The following ARHGEF37 variants were observed in gnomAD, a reference collection of about 807,000 sequenced individuals.
ARHGEF37 encodes Rho guanine nucleotide exchange factor 37.
ARHGEF37 carries 55 observed loss-of-function variants against 71.1 expected under a neutral mutation model. The observed-to-expected ratio is 0.77, with a 90% CI of 0.62 to 0.97. The LOEUF (loss-of-function observed/expected upper bound fraction) is 0.97. Among genes scored for constraint, ARHGEF37 ranks in the 50% least tolerant of loss-of-function variants. The pLI is 0.00. For missense variants in ARHGEF37, 765 were observed against 836.8 expected, an observed-to-expected ratio of 0.91 and a Z score of 1.06; for synonymous variants, 327 against 350.6, an observed-to-expected ratio of 0.93 and a Z score of 0.75.
At position 149,618,967 on chromosome 5, in the gene ARHGEF37, A is replaced by G; in HGVS notation, c.819A>G (p.Glu273=). 1 of 1,614,060 alleles carries G rather than the reference A, an allele frequency of 6.2e-7. No individual in the cohort carries two copies. Among genetic ancestry groups the G allele is most frequent in the Non-Finnish European group, 8.5e-7 (1 of 1,179,910 alleles). The stretch of plus-strand genomic sequence containing the variant: ...AAGACAAGGAATTTGATGATTTAGA[A>G]GAGAGGTTCCAGTGGGTGTCTCTGT... ...RTEDKEFDDL[E]ERFQWVSLCV... is the part of the protein sequence containing the mutation. The change falls in exon 7 of 13, where the codon GAA becomes GAG. Residue 273 remains glutamate, a synonymous_variant. Coordinates refer to ENST00000333677, the MANE Select transcript of ARHGEF37 (RefSeq NM_001001669.3).
chr5:149,606,230 T>G (rs1188499529), intron 3 of ARHGEF37, among the ~76,000 whole-genome samples: 1 of 152,202 alleles, frequency 6.6e-6, no homozygotes, highest in Non-Finnish European at 1.5e-5. Flanking sequence ...AGCCAGGCCG[T>G]CTCTGCAGTT....
intron 8 of ARHGEF37, among the ~76,000 whole-genome samples, chr5:149,620,736 CAGG>C (rs1363079362): frequency 6.6e-6 from 1 of 151,612 alleles, no homozygotes. Flanking sequence ...GAGGCTGAGG[CAGG>C]AGAATTGCTT....
intron 1 of ARHGEF37, among the ~76,000 whole-genome samples, chr5:149,574,695 A>G (rs1763006995): frequency 6.6e-6 from 1 of 152,192 alleles, no homozygotes; most frequent in South Asian, 2.1e-4. Flanking sequence ...CTTGCATAGC[A>G]CAGGTATCAG....
chr5:149,561,212 G>T (rs1324083788), intron 1 of ARHGEF37, among the ~76,000 whole-genome samples: 1 of 148,456 alleles, frequency 6.7e-6, no homozygotes, highest in African/African-American at 2.5e-5. Context: ...GGCAGAGGTT[G>T]CAGTGAGCCG....
upstream of ARHGEF37, among the ~76,000 whole-genome samples, chr5:149,578,224 G>A (rs1763047412): frequency 6.6e-6 from 1 of 152,192 alleles, no homozygotes; most frequent in Non-Finnish European, 1.5e-5. Flanking sequence ...ACCAGAATCA[G>A]CTTTTGTCGC....
chr5:149,603,131 C>T (rs1464108856), intron 3 of ARHGEF37, among the ~76,000 whole-genome samples: 1 of 152,016 alleles, frequency 6.6e-6, no homozygotes, highest in East Asian at 1.9e-4. Context: ...TAGGGTTTCA[C>T]CATGTTGGCC....
At chr5:149,620,318 G>GA (rs1554124155) in intron 7 of ARHGEF37, 36 bp from the exon 8 acceptor site, 8 of 1,499,816 alleles carry the variant, frequency 5.3e-6, no homozygotes, top group Non-Finnish European at 7.3e-6. Context: ...GCCATGACAG[G>GA]CATGATTGGA....
chr5:149,619,044 T>C lies in ARHGEF37; in HGVS notation c.894+2T>C, dbSNP rs778934598. The C allele has an allele frequency of 6.2e-7, 1 of 1,611,220 alleles. No homozygotes were observed. The highest frequency in any genetic ancestry group is 8.5e-7 in the Non-Finnish European group (1 of 1,177,394). ...GCTGCTTACCTGGACAATCTGCAGG[T>C]GAGGACACTGCAGGGTTCATAAAGG... is the stretch of plus-strand genomic sequence containing the variant. On this transcript the variant is annotated splice_donor_variant, in intron 7 of 12. Coordinates refer to ENST00000333677, the MANE Select transcript of ARHGEF37 (RefSeq NM_001001669.3). LOFTEE classifies it high-confidence loss of function.
rs1244353582 is a variant in ARHGEF37 at position 149,598,771 on chromosome 5, G to GATATAGAT, written c.186+828_186+835dup. On this transcript the variant is annotated intron_variant, in intron 2 of 12. Transcript: ENST00000333677. ...ATATCTATATATAGATATAGATATA[G>GATATAGAT]ATATAGATATATAGATATAGATATA... Among the ~76,000 whole-genome samples, 322 of 78,616 alleles carry GATATAGAT rather than the reference G, an allele frequency of 4.1e-3. 2 individuals are homozygous for GATATAGAT. Among genetic ancestry groups the GATATAGAT allele is most frequent in the Admixed American group, 0.017 (88 of 5,146 alleles). The allele number at this position is 78,616 out of a possible 152,430, so 51.6% of individuals were successfully genotyped here. A position where few individuals can be genotyped will look rare whatever the true frequency, so the allele number is the denominator to read the frequency against.
chr5:149,577,788 T>C (rs898794990), upstream of ARHGEF37, among the ~76,000 whole-genome samples: 13 of 152,262 alleles, frequency 8.5e-5, no homozygotes, highest in African/African-American at 2.7e-4. Context: ...ATTATACATT[T>C]GGGAAACAGG....
At chr5:149,601,056 T>TA in intron 2 of ARHGEF37, 52 bp from the exon 3 acceptor site, 3 of 1,583,146 alleles carry the variant, frequency 1.9e-6, no homozygotes, top group Non-Finnish European at 2.6e-6. Context: ...AGCCTGCAAA[T>TA]ACATTCTATG....
At chr5:149,606,246 A>G (rs770695219) in intron 3 of ARHGEF37, among the ~76,000 whole-genome samples, 3 of 152,020 alleles carry the variant, frequency 2.0e-5, no homozygotes, top group Non-Finnish European at 4.4e-5. Context: ...CAGTTGGCTG[A>G]TCTCTCTCTC....
chr5:149,559,213 C>T (rs1246741202), intron 1 of ARHGEF37, among the ~76,000 whole-genome samples: 1 of 151,994 alleles, frequency 6.6e-6, no homozygotes, highest in Non-Finnish European at 1.5e-5. Context: ...CCCAGCTACT[C>T]GGGTGGCTGA....
intron 12 of ARHGEF37, 71 bp downstream of exon 12, chr5:149,629,037 C>T (rs2113395941): frequency 6.6e-7 from 1 of 1,512,552 alleles, no homozygotes; most frequent in East Asian, 2.4e-5. Context: ...TTTTCCTTCT[C>T]TCTCAAAGTC....
chr5:149,563,327 GCTC>G (rs1275577007), intron 1 of ARHGEF37, among the ~76,000 whole-genome samples: 5 of 152,162 alleles, frequency 3.3e-5, no homozygotes, highest in Non-Finnish European at 4.4e-5. Context: ...CCTGATCTGA[GCTC>G]CTAAATCTTG....
intron 9 of ARHGEF37, among the ~76,000 whole-genome samples, chr5:149,623,401 A>C (rs1198052342): frequency 1.3e-5 from 2 of 152,206 alleles, no homozygotes. Context: ...TGCAAATTGA[A>C]TTAGGCCTGA....
intron 3 of ARHGEF37, among the ~76,000 whole-genome samples, chr5:149,605,953 GT>G (rs1365319328): frequency 1.3e-5 from 2 of 152,126 alleles, no homozygotes. Context: ...GGAATAAATT[GT>G]TTGCTAATCT....
At chr5:149,601,521 T>G (rs942623715) in intron 3 of ARHGEF37, among the ~76,000 whole-genome samples, 1 of 152,210 alleles carries the variant, frequency 6.6e-6, no homozygotes, top group Non-Finnish European at 1.5e-5. Context: ...TCTTTCACAT[T>G]CATTCATCCA....
At position 149,601,176 on chromosome 5, in the gene ARHGEF37, C is replaced by T; in HGVS notation, c.255C>T (p.Phe85=). 6.2e-7 allele frequency: 1 copy of T among 1,613,328 alleles called. No individual in the cohort carries two copies. The highest frequency in any genetic ancestry group is 8.5e-7 in the Non-Finnish European group (1 of 1,179,378). The change falls in exon 3 of 13, where the codon TTC becomes TTT. Residue 85 remains phenylalanine (F), a synonymous_variant. Transcript: ENST00000333677. ...ATATCATCAAAGTGAACAGCAGATT[C>T]CTCCATGATCTGCAGGAGACAGCCT... The part of the protein sequence containing the change: ...IDDIIKVNSR[F]LHDLQETASK...
Sources: gnomAD v4.1 joint callset for allele counts (sites outside exome capture counted in the v4.1 genomes callset) on GRCh38, gnomAD v4.1.1 for gene constraint, MANE v1.5 for transcripts, NCBI Gene and HGNC (gene_info 2026-07-23, HGNC 2026-07-21) for gene names.